PHLDB2: variants seen among roughly 807,000 people sequenced by gnomAD.
PHLDB2 encodes pleckstrin homology like domain family B member 2.
Under a neutral mutation model 123.6 loss-of-function variants are expected in PHLDB2, and 71 were observed. That is an observed-to-expected ratio of 0.57 (90% CI 0.47 to 0.70). The LOEUF is 0.70. Among genes scored for constraint, PHLDB2 ranks in the 30% least tolerant of loss-of-function variants. The pLI is 0.00. For synonymous variants in PHLDB2, 547 were observed against 541.6 expected (o/e 1.01, Z -0.14); for missense variants, 1,446 against 1,519.5 (o/e 0.95, Z 0.80).
chr3:111,937,248 T>G (rs1279931934), intron 6 of PHLDB2, among the ~76,000 whole-genome samples: 1 of 152,214 alleles, frequency 6.6e-6, no homozygotes, highest in Admixed American at 6.5e-5. Context: ...GAAATACATT[T>G]CATTTTATCA....
chr3:111,948,854 T>C, intron 9 of PHLDB2, 78 bp from the exon 10 acceptor site: 1 of 1,412,106 alleles, frequency 7.1e-7, no homozygotes, highest in African/African-American at 1.4e-5. Context: ...CTAACTTCAT[T>C]GTACTGGGAA....
At chr3:111,772,791 G>A (rs1274557427) in intron 1 of PHLDB2, among the ~76,000 whole-genome samples, 1 of 152,168 alleles carries the variant, frequency 6.6e-6, no homozygotes, top group Non-Finnish European at 1.5e-5. Flanking sequence ...TGGACCTCAG[G>A]GAAAGACATG....
chr3:111,846,387 A>G (rs1235848040), intron 2 of PHLDB2: 1 of 160,060 alleles, frequency 6.2e-6, no homozygotes, highest in African/African-American at 2.4e-5. Context: ...GTGGTTCTGG[A>G]TGAAATCTTT....
chr3:111,789,853 C>A (rs940411276), intron 1 of PHLDB2, among the ~76,000 whole-genome samples: 1 of 152,154 alleles, frequency 6.6e-6, no homozygotes, highest in African/African-American at 2.4e-5. Context: ...GCCAACTGAG[C>A]AATACAAAAC....
At chr3:111,751,262 C>G (rs1415972497) in intron 1 of PHLDB2, among the ~76,000 whole-genome samples, 1 of 151,472 alleles carries the variant, frequency 6.6e-6, no homozygotes, top group African/African-American at 2.4e-5. Flanking sequence ...TGCGCAGGAG[C>G]CAGGGCCAAA....
At chr3:111,793,970 G>GTTAA (rs2061037635) in intron 1 of PHLDB2, among the ~76,000 whole-genome samples, 1 of 151,438 alleles carries the variant, frequency 6.6e-6, no homozygotes, top group Non-Finnish European at 1.5e-5. Flanking sequence ...GTGCTGCCTG[G>GTTAA]AGTTGGGGGA....
chr3:111,765,386 C>A (rs1373541094), intron 1 of PHLDB2, among the ~76,000 whole-genome samples: 1 of 152,220 alleles, frequency 6.6e-6, no homozygotes, highest in Non-Finnish European at 1.5e-5. Flanking sequence ...GCCACCCCCA[C>A]AGGCTTCTTA....
chr3:111,945,198 CAA>C (rs1475904394), intron 8 of PHLDB2, 68 bp from the exon 9 acceptor site: 24 of 1,020,984 alleles, frequency 2.4e-5, no homozygotes, highest in Admixed American at 1.6e-4. Context: ...GTCTCTAATG[CAA>C]AGTCACCATG....
intron 6 of PHLDB2, among the ~76,000 whole-genome samples, chr3:111,933,393 A>T (rs2069257373): frequency 6.6e-6 from 1 of 152,218 alleles, no homozygotes; most frequent in South Asian, 2.1e-4. Flanking sequence ...CGTTCTTAAG[A>T]TGACCTTTAA....
chr3:111,954,138 A>T, intron 12 of PHLDB2, 109 bp downstream of exon 12: 1 of 945,546 alleles, frequency 1.1e-6, no homozygotes, highest in East Asian at 2.7e-5. Context: ...GATCAACCAA[A>T]GGCCTAATTT....
intron 1 of PHLDB2, among the ~76,000 whole-genome samples, chr3:111,814,003 A>C (rs1192352265): frequency 1.3e-5 from 2 of 152,076 alleles, no homozygotes; most frequent in Admixed American, 1.3e-4. Flanking sequence ...TCTTAATTCA[A>C]CTCCCACAGT....
chr3:111,919,246 T>G (rs755190780), intron 4 of PHLDB2, 31 bp downstream of exon 4: 1 of 1,608,398 alleles, frequency 6.2e-7, no homozygotes, highest in East Asian at 2.2e-5. Flanking sequence ...CCTTTTTTCT[T>G]TCTTTCCTTC....
At chr3:111,877,337 T>C (rs559554253) in intron 1 of PHLDB2, among the ~76,000 whole-genome samples, 2 of 152,400 alleles carry the variant, frequency 1.3e-5, no homozygotes, top group East Asian at 1.9e-4. Context: ...TGAGCTTTTT[T>C]TTCATATGTT....
In PHLDB2 at chr3:111,876,189, G is replaced by A. The variant is rs141421986; in HGVS notation, c.-14-7875G>A. 2.1e-3 allele frequency among the ~76,000 whole-genome samples: 324 copies of A among 152,268 alleles called. 1 individual carries two copies. Among genetic ancestry groups the A allele is most frequent in the African/African-American group, 7.3e-3 (305 of 41,542 alleles). On this transcript the variant is annotated intron_variant, in intron 1 of 17. Transcript: ENST00000431670. ...ATTCAGAATGTGTTTTAAGGACAGT[G>A]TTGATAGGATTTATTGATGGATAAA...
chr3:111,918,482 A>G (rs2068305701), intron 3 of PHLDB2, among the ~76,000 whole-genome samples: 1 of 152,210 alleles, frequency 6.6e-6, no homozygotes, highest in Admixed American at 6.5e-5. Flanking sequence ...AAAATATTTT[A>G]TGGCTCCCCA....
At chr3:111,940,179 T>A (rs2069776682) in intron 7 of PHLDB2, among the ~76,000 whole-genome samples, 1 of 152,220 alleles carries the variant, frequency 6.6e-6, no homozygotes, top group South Asian at 2.1e-4. Flanking sequence ...GAAGGTGTTT[T>A]CTTAAACTCT....
chr3:111,885,127 C>G lies in PHLDB2; in HGVS notation c.1050C>G (p.Ala350=). The part of the protein sequence containing the change: ...KMLLASTSSC[A]SDDFDQASYV... ...TTCTGGCCTCCACCTCCTCCTGTGCCTCTGATGACTTTGATCAGGCTTCAT... is the reference window on the plus strand; with the variant it reads ...TTCTGGCCTCCACCTCCTCCTGTGCGTCTGATGACTTTGATCAGGCTTCAT... Residue 350 remains alanine, a synonymous_variant, in exon 2 of 18, where the codon GCC becomes GCG. Coordinates refer to ENST00000431670, the MANE Select transcript of PHLDB2 (RefSeq NM_001134438.2). The G allele has an allele frequency of 1.2e-6, 2 of 1,613,946 alleles. No individual in the cohort carries two copies. Among genetic ancestry groups the G allele is most frequent in the Non-Finnish European group, 1.7e-6 (2 of 1,179,964 alleles).
At chr3:111,809,615 T>A (rs549592196) in intron 1 of PHLDB2, among the ~76,000 whole-genome samples, 9 of 152,258 alleles carry the variant, frequency 5.9e-5, no homozygotes, top group African/African-American at 9.6e-5. Flanking sequence ...GAAATATCTT[T>A]AGTAAGTTTG....
chr3:111,889,528 CCT>C (rs1227516528), intron 2 of PHLDB2, among the ~76,000 whole-genome samples: 2 of 151,984 alleles, frequency 1.3e-5, no homozygotes, highest in African/African-American at 4.8e-5. Flanking sequence ...ATGGCAAAAC[CCT>C]GTCTCTACAA....
Sources: gnomAD v4.1 joint callset for allele counts (sites outside exome capture counted in the v4.1 genomes callset) on GRCh38, gnomAD v4.1.1 for gene constraint, MANE v1.5 for transcripts, NCBI Gene and HGNC (gene_info 2026-07-23, HGNC 2026-07-21) for gene names.